The following PCDHGA7 variants were observed in gnomAD, a reference collection of about 807,000 sequenced individuals.
The protein encoded by PCDHGA7 is protocadherin gamma-A7.
A neutral mutation model predicts 58.3 loss-of-function variants in PCDHGA7; 44 were observed. The observed-to-expected ratio is 0.75, with a 90% CI of 0.59 to 0.97. PCDHGA7 has a LOEUF of 0.97. PCDHGA7 is among the 50% of genes least tolerant of loss of function. PCDHGA7 has a pLI of 0.00. For missense variants in PCDHGA7, 1,266 were observed against 1,188.7 expected (o/e 1.06, Z -0.96); for synonymous variants, 516 against 504.2 (o/e 1.02, Z -0.31).
chr5:141,510,553 A>C (rs1471878583), intron 3 of PCDHGA7, among the ~76,000 whole-genome samples: 1 of 152,162 alleles, frequency 6.6e-6, no homozygotes, highest in African/African-American at 2.4e-5. Context: ...TGTTTTGAGC[A>C]CTTACATCTA....
At chr5:141,414,020 C>A in intron 1 of PCDHGA7, 1 of 1,612,618 alleles carries the variant, frequency 6.2e-7, no homozygotes. Flanking sequence ...GGAGAAGTGA[C>A]ATATTCATTC....
intron 1 of PCDHGA7, chr5:141,389,415 G>A (rs915246049): frequency 1.9e-6 from 3 of 1,613,598 alleles, no homozygotes; most frequent in Non-Finnish European, 2.5e-6. Context: ...GGAGAGCGGG[G>A]TGGTGTTCGC....
chr5:141,432,934 G>T lies in PCDHGA7; in HGVS notation c.2424+47611G>T, dbSNP rs377666802. 1.2e-6 allele frequency: 2 copies of T among 1,614,078 alleles called. No individual in the cohort carries two copies. The highest frequency in any genetic ancestry group is 1.3e-5 in the African/African-American group (1 of 74,940). On this transcript the variant is annotated intron_variant, in intron 1 of 3. Coordinates refer to ENST00000518325, the MANE Select transcript of PCDHGA7 (RefSeq NM_018920.4). This position sits in a 1 kb window ranked among gnomAD's most constrained non-coding sequence, Gnocchi z 6.0. ...GGCGCTGGCACAAGTCACGCCTGCT[G>T]CAGGCTTCAGGAGGCGGCTTGACAG...
intron 1 of PCDHGA7, chr5:141,409,634 G>GGA (rs766487639): frequency 1.2e-6 from 2 of 1,613,720 alleles, no homozygotes; most frequent in African/African-American, 2.7e-5. Flanking sequence ...GAGCGCCTCT[G>GGA]ACCCGGATTT....
intron 1 of PCDHGA7, chr5:141,388,977 G>A (rs1299469066): frequency 6.2e-7 from 1 of 1,613,990 alleles, no homozygotes; most frequent in African/African-American, 1.3e-5. Context: ...AACACATATT[G>A]CTTTGCTCAA....
At position 141,383,669 on chromosome 5, in the gene PCDHGA7, T is replaced by C. The variant is rs1208890643; in HGVS notation, c.770T>C (p.Val257Ala). 2 of 1,613,784 alleles carry C rather than the reference T, an allele frequency of 1.2e-6. No homozygotes were observed. Among genetic ancestry groups the C allele is most frequent in the Non-Finnish European group, 1.7e-6 (2 of 1,179,842 alleles). Reference sequence around the variant, plus strand: ...GTAACTGTCCCCGAGAATGTGCCAGTGGGTACAAGACTGCTCACGGTACAT... The same window carrying C: ...GTAACTGTCCCCGAGAATGTGCCAGCGGGTACAAGACTGCTCACGGTACAT... The part of the protein sequence containing the change: ...YQVTVPENVP[V>A]GTRLLTVHAI... Residue 257 changes from valine (V) to alanine (A), a missense_variant, in exon 1 of 4, where the codon GTG becomes GCG. Transcript: ENST00000518325.
chr5:141,423,435 G>A (rs2096740494), intron 1 of PCDHGA7: 1 of 1,613,892 alleles, frequency 6.2e-7, no homozygotes, highest in Admixed American at 1.7e-5. Context: ...TGGCAGGTAT[G>A]CCCACGTCAC....
chr5:141,447,161 C>T (rs1432238455), intron 1 of PCDHGA7, among the ~76,000 whole-genome samples: 1 of 151,728 alleles, frequency 6.6e-6, no homozygotes, highest in East Asian at 1.9e-4. Flanking sequence ...TTTGTTTAAG[C>T]GGGGTCTTGC....
intron 1 of PCDHGA7, chr5:141,418,804 T>C (rs368948947): frequency 3.3e-5 from 54 of 1,613,718 alleles, no homozygotes; most frequent in African/African-American, 5.3e-5. Flanking sequence ...TAGAAAGATA[T>C]ACGATAAACA....
intron 1 of PCDHGA7, chr5:141,393,324 C>T: frequency 6.2e-7 from 1 of 1,611,210 alleles, no homozygotes; most frequent in Admixed American, 1.7e-5. Context: ...CCAGAGCTAC[C>T]AGCTCAGCCC....
rs538734954 is a variant in PCDHGA7 at position 141,494,863 on chromosome 5, C to T, written c.2481C>T (p.Ser827=). The change falls in exon 2 of 4, where the codon AGC becomes AGT. Residue 827 remains serine, a splice_region_variant and synonymous_variant. Coordinates refer to ENST00000518325, the MANE Select transcript of PCDHGA7 (RefSeq NM_018920.4). The part of the protein sequence containing the change: ...RFSQAQRPGT[S]GSQNGDDTGT... ...CTCAGGCCCAGAGACCCGGCACCAG[C>T]GGGTAGGTGACTGATTCTCCAGCCC... 2 of 1,614,118 alleles carry T rather than the reference C, an allele frequency of 1.2e-6. No individual in the cohort carries two copies. Among genetic ancestry groups the T allele is most frequent in the East Asian group, 2.2e-5 (1 of 44,874 alleles).
At chr5:141,409,507 T>C (rs1220086382) in intron 1 of PCDHGA7, 3 of 1,613,982 alleles carry the variant, frequency 1.9e-6, no homozygotes, top group South Asian at 1.1e-5. Flanking sequence ...TTTCTTCCAG[T>C]AGAAGCATCA....
At chr5:141,444,002 C>T (rs2098413409) in intron 1 of PCDHGA7, among the ~76,000 whole-genome samples, 1 of 151,918 alleles carries the variant, frequency 6.6e-6, no homozygotes, top group African/African-American at 2.4e-5. Flanking sequence ...TAAATGCTAC[C>T]TGGGTATTGG....
chr5:141,477,573 C>T lies in PCDHGA7; in HGVS notation c.2425-17234C>T, dbSNP rs1593790046. The T allele has an allele frequency of 6.2e-7, 1 of 1,614,056 alleles. No individual in the cohort carries two copies. Among genetic ancestry groups the T allele is most frequent in the South Asian group, 1.1e-5 (1 of 91,086 alleles). ...AACCTAAGTGTCTGGGACCCCGACGCCCCGCAGAATGCTCGGCTTTCTTTC... is the reference window on the plus strand; with the variant it reads ...AACCTAAGTGTCTGGGACCCCGACGTCCCGCAGAATGCTCGGCTTTCTTTC... On this transcript the variant is annotated intron_variant, in intron 1 of 3. Coordinates refer to ENST00000518325, the MANE Select transcript of PCDHGA7 (RefSeq NM_018920.4). This position sits in a 1 kb window ranked among gnomAD's most constrained non-coding sequence, Gnocchi z 4.9.
Position 141,497,143 on chromosome 5 carries a change from G to GA in PCDHGA7, c.2483+2287dup, listed in dbSNP as rs928640875. ...AGAGGTTGCAGTGAGCTGAGATCAC[G>GA]AAAAAAAAATAATCTAGCCACAAAT... On this transcript the variant is annotated intron_variant, in intron 2 of 3. Coordinates refer to ENST00000518325, the MANE Select transcript of PCDHGA7 (RefSeq NM_018920.4). 1.3e-3 allele frequency among the ~76,000 whole-genome samples: 194 copies of GA among 150,104 alleles called. 4 individuals are homozygous for GA. The highest frequency in any genetic ancestry group is 7.6e-3 in the Admixed American group (115 of 15,100).
At position 141,491,052 on chromosome 5, in the gene PCDHGA7, G is replaced by A. The variant is rs2099707642; in HGVS notation, c.2425-3755G>A. ...ATGCTGATGCAGGCCACAATGCGTG[G>A]CTCTCCTACTCACTGTTGCCACAGT... On this transcript the variant is annotated intron_variant, in intron 1 of 3. Transcript: ENST00000518325. The surrounding 1 kb of genome is among the most constrained non-coding windows in gnomAD (Gnocchi z 6.9). 3.1e-6 allele frequency: 5 copies of A among 1,614,038 alleles called. No individual in the cohort carries two copies. The highest frequency in any genetic ancestry group is 4.2e-6 in the Non-Finnish European group (5 of 1,180,032).
At position 141,491,735 on chromosome 5, in the gene PCDHGA7, G is replaced by C. The variant is rs765837152; in HGVS notation, c.2425-3072G>C. ...TCGGCGCCGCCCCGGGCGACCCCTG[G>C]GGGCGGCACTGGAGAAGCCGCCCGT... On this transcript the variant is annotated intron_variant, in intron 1 of 3. Coordinates refer to ENST00000518325, the MANE Select transcript of PCDHGA7 (RefSeq NM_018920.4). The surrounding 1 kb of genome is among the most constrained non-coding windows in gnomAD (Gnocchi z 6.9). 2.5e-6 allele frequency: 4 copies of C among 1,601,968 alleles called. No homozygotes were observed. In the South Asian group the frequency reaches 4.4e-5, roughly 18 times the overall value.
At chr5:141,393,259 G>GAGCACGTT (rs1561641390) in intron 1 of PCDHGA7, 2 of 1,613,874 alleles carry the variant, frequency 1.2e-6, no homozygotes, top group Non-Finnish European at 1.7e-6. Flanking sequence ...GCGGTTCCTG[G>GAGCACGTT]AGCACGTTAT....
chr5:141,474,819 G>A (rs1180279468), intron 1 of PCDHGA7, among the ~76,000 whole-genome samples: 1 of 152,190 alleles, frequency 6.6e-6, no homozygotes, highest in Non-Finnish European at 1.5e-5. Flanking sequence ...CATTAATTGA[G>A]GCTTACTCTG....
Sources: allele counts gnomAD v4.1 joint callset (sites outside exome capture counted in the v4.1 genomes callset), GRCh38; gene constraint gnomAD v4.1.1; non-coding constraint Gnocchi (gnomAD v3.1); transcripts MANE v1.5; gene names NCBI Gene and HGNC (gene_info 2026-07-23, HGNC 2026-07-21).